Variants in NCALD observed in about 807,000 individuals in gnomAD.
NCALD encodes neurocalcin delta.
NCALD carries 10 observed loss-of-function variants against 18.6 expected under a neutral mutation model. The ratio of observed to expected loss-of-function variants is 0.54; its 90% CI spans 0.33 to 0.91. The LOEUF is 0.91. Ranked by LOEUF, NCALD falls within the 40% of genes least tolerant of loss-of-function variation. The probability of loss-of-function intolerance (pLI) is 0.03; values close to 1 mark genes in which losing one functional copy is unlikely to be tolerated. For synonymous variants in NCALD, 88 were observed against 87.4 expected (o/e 1.01, Z -0.04); for missense variants, 184 against 247.6 (o/e 0.74, Z 1.72).
intron 2 of NCALD, 155 bp from the exon 3 acceptor site, chr8:101,693,051 A>G (rs1814807956): frequency 1.8e-6 from 1 of 546,776 alleles, no homozygotes; most frequent in Admixed American, 3.0e-5. Flanking sequence ...GTGGAGGCAC[A>G]GGTAGAAGAA....
In NCALD at chr8:102,056,931, T is replaced by C. The variant is rs1294194116; in HGVS notation, c.-209-36642A>G. Among the ~76,000 whole-genome samples, 3 of 152,220 alleles carry C rather than the reference T, an allele frequency of 2.0e-5. No individual in the cohort carries two copies. In the South Asian group the frequency reaches 6.2e-4, roughly 32 times the overall value. On this transcript the variant is annotated intron_variant, in intron 1 of 6. Coordinates refer to the NCALD transcript ENST00000311028. ...CAGCCATTATTTCAAGTGCTTATCTTATGTTAGAGATACAACCTCTGCATT... is the reference window on the plus strand; with the variant it reads ...CAGCCATTATTTCAAGTGCTTATCTCATGTTAGAGATACAACCTCTGCATT...
At chr8:101,813,141 TA>T (rs1227088899) in intron 4 of NCALD, among the ~76,000 whole-genome samples, 2 of 151,980 alleles carry the variant, frequency 1.3e-5, no homozygotes, top group Non-Finnish European at 2.9e-5. Context: ...AAACATTTAA[TA>T]AATAATGAGT....
rs571725832 is a variant in NCALD at position 102,066,009 on chromosome 8, C to G, written c.-209-45720G>C. Among the ~76,000 whole-genome samples, 10 of 151,900 alleles carry G rather than the reference C, an allele frequency of 6.6e-5. No individual in the cohort carries two copies. The East Asian group carries it at 7.7e-4, about 12-fold the overall frequency. On this transcript the variant is annotated intron_variant, in intron 1 of 6. Transcript: ENST00000311028. ...GACAATAAGTAAGTCTTTAGAAAAC[C>G]CTTAGGATTTTTTCAGCTATTAGTT...
rs2129883485 is a variant in NCALD at position 101,688,416 on chromosome 8, C to A, written c.*893G>T. The stretch of plus-strand genomic sequence containing the variant: ...TTTGTGCAAAGACAGATATGACTTC[C>A]AAACAAGACAGACATTCATTATAGT... On this transcript the variant is annotated 3_prime_UTR_variant, in exon 4 of 4. Coordinates refer to ENST00000220931, the MANE Select transcript of NCALD (RefSeq NM_032041.3). The A allele has an allele frequency of 3.8e-6, 1 of 265,880 alleles. No homozygotes were observed. The highest frequency in any genetic ancestry group is 7.6e-6 in the Non-Finnish European group (1 of 132,200). The allele number at this position is 265,880 out of a possible 1,614,324, so 16.5% of individuals were successfully genotyped here. A position where few individuals can be genotyped will look rare whatever the true frequency, so the allele number is the denominator to read the frequency against.
chr8:102,082,221 T>A lies in NCALD; in HGVS notation c.-210+42016A>T, dbSNP rs986063379. Among the ~76,000 whole-genome samples, 20 of 124,878 alleles carry A rather than the reference T, an allele frequency of 1.6e-4. 1 individual carries two copies. The highest frequency in any genetic ancestry group is 6.9e-4 in the African/African-American group (20 of 28,798). The allele number at this position is 124,878 out of a possible 152,430, so 81.9% of individuals were successfully genotyped here. A position where few individuals can be genotyped will look rare whatever the true frequency, so the allele number is the denominator to read the frequency against. On this transcript the variant is annotated intron_variant, in intron 1 of 6. Transcript: ENST00000311028. ...TTCAATGGGCAGTTATTTGAGAAGCTCTCTCTTTTTTTTTTTTTTTTTTTT... is the reference window on the plus strand; with the variant it reads ...TTCAATGGGCAGTTATTTGAGAAGCACTCTCTTTTTTTTTTTTTTTTTTTT...
At chr8:101,876,928 AG>A (rs1816251971) in intron 4 of NCALD, among the ~76,000 whole-genome samples, 1 of 152,236 alleles carries the variant, frequency 6.6e-6, no homozygotes, top group Non-Finnish European at 1.5e-5. Flanking sequence ...ACAAAGCAAA[AG>A]TGGTTATCTT....
intron 1 of NCALD, among the ~76,000 whole-genome samples, chr8:102,085,138 G>T (rs539802278): frequency 1.8e-4 from 28 of 152,250 alleles, no homozygotes; most frequent in Admixed American, 1.3e-4. Context: ...TTAACTTGGG[G>T]TGTCTCAACC....
At chr8:101,713,691 T>C (rs1463005064) in intron 2 of NCALD, among the ~76,000 whole-genome samples, 2 of 152,012 alleles carry the variant, frequency 1.3e-5, no homozygotes, top group Non-Finnish European at 2.9e-5. Flanking sequence ...AAGAAATGGA[T>C]AAATTCCTGG....
intron 1 of NCALD, among the ~76,000 whole-genome samples, chr8:101,753,754 T>C (rs1233964536): frequency 6.6e-6 from 1 of 152,110 alleles, no homozygotes; most frequent in East Asian, 1.9e-4. Flanking sequence ...TGCCTGGAAC[T>C]GATGCAGCCA....
chr8:102,067,264 C>A (rs1241511469), intron 1 of NCALD, among the ~76,000 whole-genome samples: 2 of 152,146 alleles, frequency 1.3e-5, no homozygotes, highest in African/African-American at 4.8e-5. Flanking sequence ...CCTGAGGTGA[C>A]AGGGAAACAT....
At chr8:101,983,548 G>T (rs988680044) in intron 2 of NCALD, among the ~76,000 whole-genome samples, 3 of 152,166 alleles carry the variant, frequency 2.0e-5, no homozygotes, top group Non-Finnish European at 2.9e-5. Flanking sequence ...CCTCCATGAT[G>T]AGCTTGTCTT....
intron 2 of NCALD, among the ~76,000 whole-genome samples, chr8:101,709,981 G>A (rs1815708717): frequency 6.6e-6 from 1 of 152,142 alleles, no homozygotes; most frequent in Non-Finnish European, 1.5e-5. Context: ...GAGGTTCCTG[G>A]GCAAGACAGC....
chr8:101,985,535 T>C (rs1197168853), intron 2 of NCALD, among the ~76,000 whole-genome samples: 1 of 152,192 alleles, frequency 6.6e-6, no homozygotes, highest in Non-Finnish European at 1.5e-5. Context: ...GCAGATTCTA[T>C]AGCTTTTATA....
chr8:101,889,434 C>A (rs556359309), intron 3 of NCALD, among the ~76,000 whole-genome samples: 2 of 152,138 alleles, frequency 1.3e-5, no homozygotes, highest in Admixed American at 6.5e-5. Context: ...ACTCCCTGTC[C>A]GGTGATATTT....
At chr8:101,884,897 A>G (rs1816621955) in intron 4 of NCALD, among the ~76,000 whole-genome samples, 1 of 152,182 alleles carries the variant, frequency 6.6e-6, no homozygotes, top group Non-Finnish European at 1.5e-5. Flanking sequence ...CCTCTGAGAT[A>G]ATCTCTCTCC....
At chr8:101,836,264 G>A (rs1161692164) in intron 4 of NCALD, among the ~76,000 whole-genome samples, 1 of 152,130 alleles carries the variant, frequency 6.6e-6, no homozygotes, top group Admixed American at 6.5e-5. Flanking sequence ...TTGGAAACTT[G>A]CCATTTGTAA....
At chr8:102,039,145 C>T (rs536502713) in intron 1 of NCALD, among the ~76,000 whole-genome samples, 1 of 152,230 alleles carries the variant, frequency 6.6e-6, no homozygotes, top group East Asian at 1.9e-4. Context: ...GCCCTGCTAC[C>T]TCCTTGATTT....
intron 2 of NCALD, among the ~76,000 whole-genome samples, chr8:101,959,297 G>C (rs938518233): frequency 6.6e-6 from 1 of 151,934 alleles, no homozygotes; most frequent in African/African-American, 2.4e-5. Flanking sequence ...TGCATCTTTG[G>C]TGGTAACATC....
At chr8:101,700,792 C>A (rs541438125) in intron 2 of NCALD, among the ~76,000 whole-genome samples, 1 of 152,122 alleles carries the variant, frequency 6.6e-6, no homozygotes, top group African/African-American at 2.4e-5. Flanking sequence ...CACAGAGAAA[C>A]GAGAATCAGT....
Sources: gnomAD v4.1 joint callset for allele counts (sites outside exome capture counted in the v4.1 genomes callset) on GRCh38, gnomAD v4.1.1 for gene constraint, MANE v1.5 for transcripts, NCBI Gene and HGNC (gene_info 2026-07-23, HGNC 2026-07-21) for gene names.